CRY1: variants seen among roughly 807,000 people sequenced by gnomAD.
CRY1 encodes cryptochrome-1.
CRY1 carries 45 observed loss-of-function variants against 76.0 expected under a neutral mutation model. The observed-to-expected ratio is 0.59, with a 90% CI of 0.47 to 0.76. The LOEUF (loss-of-function observed/expected upper bound fraction) is 0.76, where lower values mean the gene tolerates loss of function less well. Among genes scored for constraint, CRY1 ranks in the 30% least tolerant of loss-of-function variants. CRY1 has a pLI of 0.00. For synonymous variants in CRY1, 248 were observed against 244.0 expected, an observed-to-expected ratio of 1.02 and a Z score of -0.15; for missense variants, 587 against 716.4, an observed-to-expected ratio of 0.82 and a Z score of 2.06.
chr12:107,021,646 A>C (rs1020165942), intron 2 of CRY1, among the ~76,000 whole-genome samples: 1 of 152,130 alleles, frequency 6.6e-6, no homozygotes, highest in Non-Finnish European at 1.5e-5. Flanking sequence ...TTTAACTTTT[A>C]ACAAAGGGGA....
rs766600480 is a variant in CRY1 at position 106,997,335 on chromosome 12, C to T, written c.1544G>A (p.Gly515Glu). ...SNPNGNGGFM[G>E]YSAENIPGCS... ...ACCTGGGATATTTTCTGCAGAATATCCCATGAAGCCTCCATTCCCATTAGG... is the reference window on the plus strand; with the variant it reads ...ACCTGGGATATTTTCTGCAGAATATTCCATGAAGCCTCCATTCCCATTAGG... The change falls in exon 10 of 13, where the codon GGA becomes GAA. Residue 515 changes from glycine to glutamate, a missense_variant. By Grantham distance (98) the Gly-to-Glu change is moderately conservative (BLOSUM62 -2). Transcript: ENST00000008527. 6.2e-7 allele frequency: 1 copy of T among 1,613,988 alleles called. No homozygotes were observed. Among genetic ancestry groups the T allele is most frequent in the East Asian group, 2.2e-5 (1 of 44,864 alleles).
At chr12:107,005,703 G>A (rs1174621843) in intron 2 of CRY1, among the ~76,000 whole-genome samples, 1 of 152,080 alleles carries the variant, frequency 6.6e-6, no homozygotes, top group Non-Finnish European at 1.5e-5. Flanking sequence ...TCTAAGAACT[G>A]GTCTTTAACT....
intron 1 of CRY1, among the ~76,000 whole-genome samples, chr12:107,075,233 T>C (rs1414744511): frequency 6.6e-6 from 1 of 152,206 alleles, no homozygotes; most frequent in Admixed American, 6.5e-5. Context: ...TCTAGACATA[T>C]GAAGAGTCAG....
At chr12:107,060,207 C>T (rs1953030555) in intron 1 of CRY1, among the ~76,000 whole-genome samples, 2 of 151,942 alleles carry the variant, frequency 1.3e-5, no homozygotes, top group South Asian at 4.2e-4. Context: ...TGAATGTGTC[C>T]CCCAAAAAGC....
chr12:107,005,022 C>T (rs996359531), intron 3 of CRY1, 84 bp downstream of exon 3: 26 of 1,319,266 alleles, frequency 2.0e-5, no homozygotes, highest in African/African-American at 3.0e-5. Context: ...TTAATACCAC[C>T]GAACTATATA....
chr12:107,062,728 C>T (rs1953062328), intron 1 of CRY1, among the ~76,000 whole-genome samples: 1 of 152,192 alleles, frequency 6.6e-6, no homozygotes, highest in Non-Finnish European at 1.5e-5. Context: ...TTTAACAGTA[C>T]TGACTCTTTT....
In CRY1 at chr12:107,061,548, T is replaced by A. The variant is rs991670099; in HGVS notation, c.158+31256A>T. Among the ~76,000 whole-genome samples, 6 of 151,838 alleles carry A rather than the reference T, an allele frequency of 4.0e-5. 1 individual carries two copies. In the South Asian group the frequency reaches 1.3e-3, roughly 32 times the overall value. On this transcript the variant is annotated intron_variant, in intron 1 of 12. Transcript: ENST00000008527. ...GCATCCACCACCACGCCCGGCTAAT[T>A]TTTTTGTCTTTTTAGTAGAGATGGG...
intron 10 of CRY1, among the ~76,000 whole-genome samples, chr12:106,993,820 T>C (rs1952204800): frequency 6.6e-6 from 1 of 152,106 alleles, no homozygotes; most frequent in Non-Finnish European, 1.5e-5. Context: ...ATAATGCCGA[T>C]GAACTGATAT....
intron 1 of CRY1, among the ~76,000 whole-genome samples, chr12:107,060,993 A>C (rs1364830236): frequency 2.0e-5 from 3 of 151,906 alleles, no homozygotes; most frequent in Non-Finnish European, 2.9e-5. Context: ...AAAATCAAAC[A>C]AACAAAAAAA....
intron 2 of CRY1, among the ~76,000 whole-genome samples, chr12:107,015,552 C>T (rs527288843): frequency 6.6e-6 from 1 of 152,304 alleles, no homozygotes; most frequent in Admixed American, 6.5e-5. Context: ...AGCATGTTGT[C>T]CAGGCTTATC....
At chr12:107,092,302 C>T (rs939034363) in intron 1 of CRY1, among the ~76,000 whole-genome samples, 15 of 152,172 alleles carry the variant, frequency 9.9e-5, no homozygotes, top group African/African-American at 3.6e-4. Context: ...AGCAGAGAAA[C>T]CAGATAATGC....
At chr12:107,082,712 TATA>T (rs1423202604) in intron 1 of CRY1, among the ~76,000 whole-genome samples, 1 of 152,208 alleles carries the variant, frequency 6.6e-6, no homozygotes, top group Non-Finnish European at 1.5e-5. Flanking sequence ...GAGGGAAATT[TATA>T]GCACTAAATG....
At chr12:107,028,773 C>A (rs945022678) in intron 1 of CRY1, among the ~76,000 whole-genome samples, 1 of 152,052 alleles carries the variant, frequency 6.6e-6, no homozygotes, top group Non-Finnish European at 1.5e-5. Flanking sequence ...GTGTTACTGG[C>A]GACTCAAACA....
rs917674673 is a variant in CRY1, at chr12:107,013,971, G to A, written c.267+8113C>T. ...AACATGACTTCTATTGGATGGTACTGCTCTAAGGTGTTCAAAAGTACCAAT... is the reference window on the plus strand; with the variant it reads ...AACATGACTTCTATTGGATGGTACTACTCTAAGGTGTTCAAAAGTACCAAT... On this transcript the variant is annotated intron_variant, in intron 2 of 12. Transcript: ENST00000008527. Among the ~76,000 whole-genome samples the A allele has an allele frequency of 1.2e-4, 18 of 152,200 alleles. 1 individual carries two copies. In the Middle Eastern group the frequency reaches 0.01, roughly 86 times the overall value.
Position 107,048,225 on chromosome 12 carries a change from C to T in CRY1, c.159-26033G>A, listed in dbSNP as rs1952872454. On this transcript the variant is annotated intron_variant, in intron 1 of 12. Transcript: ENST00000008527. ...ACTTCTGAGTAGCTGGGATTACAGG[C>T]ACCTGCCACCACACCTGGCTAACTT... Among the ~76,000 whole-genome samples the T allele has an allele frequency of 2.0e-5, 3 of 152,100 alleles. No homozygotes were observed. The South Asian group carries it at 6.2e-4, about 32-fold the overall frequency.
chr12:106,996,681 A>G (rs1028124440), intron 10 of CRY1, among the ~76,000 whole-genome samples: 5 of 152,140 alleles, frequency 3.3e-5, no homozygotes, highest in African/African-American at 9.7e-5. Flanking sequence ...ATGCTGTCCT[A>G]TTTTTTAATC....
chr12:107,039,569 T>C (rs972350027), intron 1 of CRY1, among the ~76,000 whole-genome samples: 2 of 152,188 alleles, frequency 1.3e-5, no homozygotes, highest in South Asian at 2.1e-4. Flanking sequence ...TATGAAATGA[T>C]GTTCACATCA....
intron 1 of CRY1, among the ~76,000 whole-genome samples, chr12:107,040,302 T>C (rs1391118201): frequency 4.0e-4 from 42 of 104,926 alleles, no homozygotes; most frequent in African/African-American, 1.5e-3. Context: ...TTTTTTTTTT[T>C]TGAGACGGAG....
intron 1 of CRY1, among the ~76,000 whole-genome samples, chr12:107,080,762 T>C (rs1953312823): frequency 6.6e-6 from 1 of 152,040 alleles, no homozygotes; most frequent in African/African-American, 2.4e-5. Context: ...CGGACATGCC[T>C]TAGTTTGGAT....
Sources: gnomAD v4.1 joint callset for allele counts (sites outside exome capture counted in the v4.1 genomes callset) on GRCh38, gnomAD v4.1.1 for gene constraint, MANE v1.5 for transcripts, NCBI Gene and HGNC (gene_info 2026-07-23, HGNC 2026-07-21) for gene names.